Variants in SIRPA observed in about 807,000 individuals in gnomAD.
SIRPA encodes signal regulatory protein alpha.
SIRPA carries 9 observed loss-of-function variants against 50.3 expected under a neutral mutation model. That is an observed-to-expected ratio of 0.18 (90% CI 0.11 to 0.31). SIRPA has a LOEUF of 0.31. Ranked by LOEUF, SIRPA falls within the 10% of genes least tolerant of loss-of-function variation. SIRPA has a pLI of 1.00. For missense variants in SIRPA, 474 were observed against 661.6 expected (o/e 0.72, Z 3.11); for synonymous variants, 265 against 284.1 (o/e 0.93, Z 0.68).
intron 1 of SIRPA, among the ~76,000 whole-genome samples, chr20:1,905,538 C>T (rs1984494098): frequency 6.6e-6 from 1 of 152,216 alleles, no homozygotes; most frequent in Admixed American, 6.5e-5. Context: ...AGCACCAGGG[C>T]CTGTCTCAGG....
Position 1,915,265 on chromosome 20 carries a change from A to G in SIRPA, c.246A>G (p.Gln82=), listed in dbSNP as rs763367033. ...CAGGCCGGGAATTAATCTACAATCA[A>G]AAAGAAGGCCACTTCCCCCGGGTAA... The part of the protein sequence containing the change: ...AGPGRELIYN[Q]KEGHFPRVTT... Residue 82 remains glutamine, a synonymous_variant, in exon 2 of 8, where the codon CAA becomes CAG. Transcript: ENST00000358771. 10 of 1,612,978 alleles carry G rather than the reference A, an allele frequency of 6.2e-6. No individual in the cohort carries two copies. In the African/African-American group the frequency reaches 1.2e-4, roughly 19 times the overall value.
intron 1 of SIRPA, 130 bp from the exon 2 acceptor site, chr20:1,914,969 C>A: frequency 2.5e-6 from 2 of 786,994 alleles, no homozygotes. Flanking sequence ...TGAGATGATA[C>A]ATGCACTATA....
chr20:1,915,879 C>T (rs543857073), intron 2 of SIRPA, among the ~76,000 whole-genome samples: 8 of 152,344 alleles, frequency 5.3e-5, no homozygotes, highest in South Asian at 2.1e-4. Flanking sequence ...TGCCAGGCTC[C>T]GCCAAGCTTG....
At chr20:1,908,325 C>A (rs1349595557) in intron 1 of SIRPA, among the ~76,000 whole-genome samples, 1 of 152,012 alleles carries the variant, frequency 6.6e-6, no homozygotes, top group Non-Finnish European at 1.5e-5. Context: ...TTTACGCATA[C>A]AGCACTCTGT....
At chr20:1,901,163 C>CTTTTTTTTTT (rs869181595) in intron 1 of SIRPA, among the ~76,000 whole-genome samples, 40 of 78,876 alleles carry the variant, frequency 5.1e-4, no homozygotes, top group Non-Finnish European at 5.6e-4. Flanking sequence ...TTCTTTCTTT[C>CTTTTTTTTTT]TTTTTTTTTT....
Position 1,898,009 on chromosome 20 carries a change from C to G in SIRPA, c.79+2483C>G, listed in dbSNP as rs995608186. Among the ~76,000 whole-genome samples, 1 of 152,344 alleles carries G rather than the reference C, an allele frequency of 6.6e-6. No homozygotes were observed. The highest frequency in any genetic ancestry group is 2.1e-4 in the South Asian group (1 of 4,824). Reference sequence around the variant, plus strand: ...TGTCAGCAGGGCCTGACGCTGAACCCGCAGGATGCCTGCTTGGCCCCAGGT... The same window carrying G: ...TGTCAGCAGGGCCTGACGCTGAACCGGCAGGATGCCTGCTTGGCCCCAGGT... On this transcript the variant is annotated intron_variant, in intron 1 of 7. Coordinates refer to ENST00000358771, the MANE Select transcript of SIRPA (RefSeq NM_001040023.2). This position sits in a 1 kb window ranked among gnomAD's most constrained non-coding sequence, Gnocchi z 4.3.
Position 1,927,760 on chromosome 20 carries a change from GA to G in SIRPA, c.1202-114del. 2.2e-6 allele frequency: 2 copies of G among 911,618 alleles called. No homozygotes were observed. Among genetic ancestry groups the G allele is most frequent in the Non-Finnish European group, 3.7e-6 (2 of 543,044 alleles). 56.5% of individuals were successfully genotyped at this position (911,618 alleles called of 1,614,324 possible). A position where few individuals can be genotyped will look rare whatever the true frequency, so the allele number is the denominator to read the frequency against. ...GGGTCTCCTGTGGTTCCAAGGATGT[GA>G]TTACAGCATTTCCTCTCCATGTCCC... is the stretch of plus-strand genomic sequence containing the variant. On this transcript the variant is annotated intron_variant, in intron 5 of 7. Coordinates refer to ENST00000358771, the MANE Select transcript of SIRPA (RefSeq NM_001040023.2). This position sits in a 1 kb window ranked among gnomAD's most constrained non-coding sequence, Gnocchi z 6.5.
chr20:1,920,312 C>T (rs988309418), intron 2 of SIRPA, among the ~76,000 whole-genome samples: 1 of 152,180 alleles, frequency 6.6e-6, no homozygotes, highest in African/African-American at 2.4e-5. Context: ...CTTACTGTGC[C>T]CTCAAAATGT....
intron 1 of SIRPA, among the ~76,000 whole-genome samples, chr20:1,896,395 G>A (rs1165460889): frequency 6.7e-6 from 1 of 149,234 alleles, no homozygotes; most frequent in African/African-American, 2.5e-5. Flanking sequence ...CCATTCAGGA[G>A]TCTTGCTTCT....
chr20:1,935,555 C>G (rs1986529357), intron 7 of SIRPA, among the ~76,000 whole-genome samples: 1 of 152,264 alleles, frequency 6.6e-6, no homozygotes, highest in Non-Finnish European at 1.5e-5. Context: ...TGGGGTCCCC[C>G]CGCAGCCCCG....
chr20:1,920,219 G>T (rs1248612899), intron 2 of SIRPA, among the ~76,000 whole-genome samples: 1 of 152,222 alleles, frequency 6.6e-6, no homozygotes, highest in African/African-American at 2.4e-5. Flanking sequence ...CTGGATAAAT[G>T]GGAACTGATT....
In SIRPA at chr20:1,934,972, C is replaced by T. The variant is rs1014059842; in HGVS notation, c.1266+218C>T. Among the ~76,000 whole-genome samples, 75 of 152,330 alleles carry T rather than the reference C, an allele frequency of 4.9e-4. No individual in the cohort carries two copies. The highest frequency in any genetic ancestry group is 1.8e-3 in the African/African-American group (73 of 41,582). On this transcript the variant is annotated intron_variant, in intron 7 of 7. Coordinates refer to ENST00000358771, the MANE Select transcript of SIRPA (RefSeq NM_001040023.2). This position sits in a 1 kb window ranked among gnomAD's most constrained non-coding sequence, Gnocchi z 4.6. ...CCTCATGACTCAGTGCGACCCATTG[C>T]ACAACTCCCCAGGGGCACCATTCAC...
intron 1 of SIRPA, among the ~76,000 whole-genome samples, chr20:1,896,555 G>A (rs1983839169): frequency 6.6e-6 from 1 of 152,086 alleles, no homozygotes; most frequent in Non-Finnish European, 1.5e-5. Context: ...AGGCAGTGGG[G>A]TCTCTCTGTA....
chr20:1,918,550 C>A (rs760819327), intron 2 of SIRPA, among the ~76,000 whole-genome samples: 1 of 151,796 alleles, frequency 6.6e-6, no homozygotes, highest in Non-Finnish European at 1.5e-5. Context: ...CTTGGGCAAC[C>A]CAGTTCCCCT....
In SIRPA at chr20:1,924,091, G is replaced by A. The variant is rs1454535947; in HGVS notation, c.1088-673G>A. Among the ~76,000 whole-genome samples the A allele has an allele frequency of 6.6e-6, 1 of 152,176 alleles. No homozygotes were observed. ...CCCCAGTAACAGAAGAAGCAGCCAGGGTTTGGAGGGAGGCTTAACTGACTT... is the reference window on the plus strand; with the variant it reads ...CCCCAGTAACAGAAGAAGCAGCCAGAGTTTGGAGGGAGGCTTAACTGACTT... On this transcript the variant is annotated intron_variant, in intron 4 of 7. Coordinates refer to ENST00000358771, the MANE Select transcript of SIRPA (RefSeq NM_001040023.2). This position sits in a 1 kb window ranked among gnomAD's most constrained non-coding sequence, Gnocchi z 4.5.
intron 2 of SIRPA, among the ~76,000 whole-genome samples, chr20:1,921,129 G>C (rs1985623158): frequency 6.6e-6 from 1 of 152,228 alleles, no homozygotes; most frequent in South Asian, 2.1e-4. Flanking sequence ...AAGTCACCCT[G>C]TGTGGAGTGG....
intron 2 of SIRPA, among the ~76,000 whole-genome samples, chr20:1,915,913 G>A (rs2123103512): frequency 6.6e-6 from 1 of 152,348 alleles, no homozygotes. Flanking sequence ...TCCAATAAGA[G>A]ATCCACCCAG....
intron 2 of SIRPA, among the ~76,000 whole-genome samples, chr20:1,915,987 T>C (rs186166878): frequency 2.3e-4 from 35 of 152,346 alleles, no homozygotes; most frequent in Admixed American, 2.1e-3. Flanking sequence ...AGAAGATTCC[T>C]AAAAGGCACA....
chr20:1,916,539 A>AGT (rs1985308799), intron 2 of SIRPA, among the ~76,000 whole-genome samples: 1 of 152,206 alleles, frequency 6.6e-6, no homozygotes, highest in Admixed American at 6.5e-5. Context: ...CCTTTCCATC[A>AGT]GTTTCCTAAA....
Sources: gnomAD v4.1 joint callset for allele counts (sites outside exome capture counted in the v4.1 genomes callset) on GRCh38, gnomAD v4.1.1 for gene constraint, Gnocchi (gnomAD v3.1) non-coding constraint, MANE v1.5 for transcripts, NCBI Gene and HGNC (gene_info 2026-07-23, HGNC 2026-07-21) for gene names.